The following RAP1GAP2 variants were observed in gnomAD, a reference collection of about 807,000 sequenced individuals.
RAP1GAP2 encodes the protein rap1 GTPase-activating protein 2.
A neutral mutation model predicts 95.0 loss-of-function variants in RAP1GAP2; 27 were observed. That is an observed-to-expected ratio of 0.28 (90% CI 0.21 to 0.39). The LOEUF is 0.39. RAP1GAP2 is among the 10% of genes least tolerant of loss of function. The pLI is 1.00. For missense variants in RAP1GAP2, 771 were observed against 970.0 expected, an observed-to-expected ratio of 0.79 and a Z score of 2.72; for synonymous variants, 373 against 380.9, an observed-to-expected ratio of 0.98 and a Z score of 0.24.
At chr17:2,795,922 C>T (rs1327581170), upstream of RAP1GAP2, among the ~76,000 whole-genome samples, 2 of 152,048 alleles carry the variant, frequency 1.3e-5, no homozygotes, top group African/African-American at 4.8e-5. Context: ...TGTGTGTGTC[C>T]ATGTGTGCAT....
chr17:2,810,548 T>TTTTTTTTTTC (rs1305469092), intron 2 of RAP1GAP2, among the ~76,000 whole-genome samples: 1 of 145,142 alleles, frequency 6.9e-6, no homozygotes. Context: ...TTTTTTTTTT[T>TTTTTTTTTTC]GAGACGGAGT....
rs888914438 is a variant in RAP1GAP2, at chr17:2,963,035, C to T, written c.246+321C>T. The T allele has an allele frequency of 1.0e-4, 54 of 520,758 alleles. No homozygotes were observed. In the Admixed American group the frequency reaches 1.8e-3, roughly 17 times the overall value. 32.3% of individuals were successfully genotyped at this position (520,758 alleles called of 1,614,324 possible). A position where few individuals can be genotyped will look rare whatever the true frequency, so the allele number is the denominator to read the frequency against. On this transcript the variant is annotated intron_variant, in intron 5 of 24. Transcript: ENST00000254695. The surrounding 1 kb of genome is among the most constrained non-coding windows in gnomAD (Gnocchi z 4.8). The stretch of plus-strand genomic sequence containing the variant: ...GTGTCAGGCTCTGTGCCCCGGGTTC[C>T]AGTGGGCAGTCAGCTCTCAGCTTCC...
intron 1 of RAP1GAP2, among the ~76,000 whole-genome samples, chr17:2,765,540 G>C (rs1472661126): frequency 6.6e-6 from 1 of 152,044 alleles, no homozygotes; most frequent in Non-Finnish European, 1.5e-5. Flanking sequence ...AGGAGATCGA[G>C]ACCATCCTGG....
rs1451519999 is a variant in RAP1GAP2, at chr17:3,036,028, A to C, written c.*2667A>C. 1 of 152,248 alleles carries C rather than the reference A, an allele frequency of 6.6e-6. No homozygotes were observed. The highest frequency in any genetic ancestry group is 1.9e-4 in the East Asian group (1 of 5,186). The allele number at this position is 152,248 out of a possible 1,614,324, so 9.4% of individuals were successfully genotyped here. On this transcript the variant is annotated 3_prime_UTR_variant, in exon 25 of 25. Coordinates refer to ENST00000254695, the MANE Select transcript of RAP1GAP2 (RefSeq NM_015085.5). ...CTGGGAACTGCCTGACTCACTGAAG[A>C]AACTACTTTTCAGGCACTGTAGGGT...
At position 3,008,188 on chromosome 17, in the gene RAP1GAP2, T is replaced by C. The variant is rs1280425373; in HGVS notation, c.1494+43T>C. ...ACTGATGGTTGCTGTGGGGTTGGGA[T>C]TGGGGAAGAAAGGAAGTGGTCCAAG... On this transcript the variant is annotated intron_variant, in intron 17 of 24. Transcript: ENST00000254695. The surrounding 1 kb of genome is among the most constrained non-coding windows in gnomAD (Gnocchi z 4.2). 5 of 1,610,866 alleles carry C rather than the reference T, an allele frequency of 3.1e-6. No individual in the cohort carries two copies. The highest frequency in any genetic ancestry group is 4.2e-6 in the Non-Finnish European group (5 of 1,177,942).
rs1343833109 is a variant in RAP1GAP2, at chr17:2,867,347, G to A, written c.81-37937G>A. On this transcript the variant is annotated intron_variant, in intron 2 of 24. Transcript: ENST00000254695. The surrounding 1 kb of genome is among the most constrained non-coding windows in gnomAD (Gnocchi z 4.5). ...GGACGGATTCAGGCCTGGCTGGATC[G>A]AGAGCTCCAGTGGGGTCTTTGGACA... is the stretch of plus-strand genomic sequence containing the variant. 1.3e-5 allele frequency among the ~76,000 whole-genome samples: 2 copies of A among 152,188 alleles called. No homozygotes were observed. The highest frequency in any genetic ancestry group is 1.9e-4 in the East Asian group (1 of 5,198).
rs1278823284 is a variant in RAP1GAP2 at position 3,033,393 on chromosome 17, G to A, written c.*32G>A. 1 of 153,020 alleles carries A rather than the reference G, an allele frequency of 6.5e-6. No homozygotes were observed. The highest frequency in any genetic ancestry group is 1.9e-4 in the East Asian group (1 of 5,164). 9.5% of individuals were successfully genotyped at this position (153,020 alleles called of 1,614,324 possible). A position where few individuals can be genotyped will look rare whatever the true frequency, so the allele number is the denominator to read the frequency against. ...GCCGCCTCCTCCTTGTCTCCTCAGG[G>A]AATCCCCTCTTCTGTCCTGGAAAAG... On this transcript the variant is annotated splice_region_variant and 3_prime_UTR_variant, in exon 25 of 25. Transcript: ENST00000254695. This position sits in a 1 kb window ranked among gnomAD's most constrained non-coding sequence, Gnocchi z 4.9.
At chr17:2,780,403 C>A (rs572449239) in intron 1 of RAP1GAP2, among the ~76,000 whole-genome samples, 1 of 152,232 alleles carries the variant, frequency 6.6e-6, no homozygotes, top group Admixed American at 6.5e-5. Flanking sequence ...CCCAGGCCAC[C>A]GCCCCGTTTG....
At chr17:2,878,854 C>T (rs749055414) in intron 2 of RAP1GAP2, among the ~76,000 whole-genome samples, 5 of 152,244 alleles carry the variant, frequency 3.3e-5, no homozygotes, top group African/African-American at 4.8e-5. Flanking sequence ...CGTGAGCACG[C>T]GCAAGGTGCT....
In RAP1GAP2 at chr17:3,027,407, C is replaced by A. The variant is rs1298860430; in HGVS notation, c.2107+337C>A. Among the ~76,000 whole-genome samples, 1 of 152,144 alleles carries A rather than the reference C, an allele frequency of 6.6e-6. No individual in the cohort carries two copies. The highest frequency in any genetic ancestry group is 1.5e-5 in the Non-Finnish European group (1 of 68,024). ...GCCAGTGCTCCAACCCTTCTCCCCA[C>A]CTGCCAGCGCTCCAGGGCTGCCAGG... On this transcript the variant is annotated intron_variant, in intron 22 of 24. Transcript: ENST00000254695. The surrounding 1 kb of genome is among the most constrained non-coding windows in gnomAD (Gnocchi z 5.2).
intron 2 of RAP1GAP2, among the ~76,000 whole-genome samples, chr17:2,806,045 T>G (rs566700886): frequency 1.1e-4 from 17 of 152,294 alleles, no homozygotes; most frequent in Non-Finnish European, 2.4e-4. Flanking sequence ...TGATGGGACC[T>G]GGGTGCAGCT....
chr17:2,902,718 T>C lies in RAP1GAP2; in HGVS notation c.81-2566T>C, dbSNP rs2042065047. 6.6e-6 allele frequency among the ~76,000 whole-genome samples: 1 copy of C among 152,062 alleles called. No homozygotes were observed. Among genetic ancestry groups the C allele is most frequent in the Admixed American group, 6.6e-5 (1 of 15,246 alleles). ...GCTGCCATGTGCTCCGACTTGAGAG[T>C]CTGCCTCGCTTCCTAGAGACCGGCC... On this transcript the variant is annotated intron_variant, in intron 2 of 24. Transcript: ENST00000254695. This position sits in a 1 kb window ranked among gnomAD's most constrained non-coding sequence, Gnocchi z 4.1.
intron 2 of RAP1GAP2, among the ~76,000 whole-genome samples, chr17:2,821,723 C>A (rs1025822342): frequency 6.6e-6 from 1 of 152,168 alleles, no homozygotes; most frequent in African/African-American, 2.4e-5. Context: ...AAAAATGCAG[C>A]TCCTCGGTTG....
intron 2 of RAP1GAP2, among the ~76,000 whole-genome samples, chr17:2,885,199 AT>A (rs2073448760): frequency 4.0e-5 from 6 of 151,556 alleles, no homozygotes; most frequent in Admixed American, 3.3e-4. Context: ...CGCCTGACTA[AT>A]TTTTTGTATT....
At chr17:2,966,936 G>A (rs528735524) in intron 8 of RAP1GAP2, among the ~76,000 whole-genome samples, 7 of 152,244 alleles carry the variant, frequency 4.6e-5, no homozygotes, top group African/African-American at 1.7e-4. Context: ...TGCTGCTTCG[G>A]GGCTGAAAGC....
At chr17:2,791,588 C>T (rs1220119698), upstream of RAP1GAP2, among the ~76,000 whole-genome samples, 5 of 152,214 alleles carry the variant, frequency 3.3e-5, no homozygotes, top group East Asian at 3.9e-4. Context: ...TCCTTCACTT[C>T]CCTGAGCCTC....
At chr17:2,956,161 T>A (rs922543513) in intron 3 of RAP1GAP2, among the ~76,000 whole-genome samples, 14 of 152,238 alleles carry the variant, frequency 9.2e-5, no homozygotes, top group African/African-American at 3.4e-4. Flanking sequence ...GGGTGGTGCA[T>A]GTGCACCTGA....
intron 3 of RAP1GAP2, among the ~76,000 whole-genome samples, chr17:2,909,522 C>T (rs1410344188): frequency 6.6e-6 from 1 of 152,166 alleles, no homozygotes; most frequent in Non-Finnish European, 1.5e-5. Flanking sequence ...ATCTGGACCA[C>T]AGCAGGGATT....
intron 3 of RAP1GAP2, among the ~76,000 whole-genome samples, chr17:2,956,319 C>T (rs139204738): frequency 5.6e-4 from 85 of 152,322 alleles, no homozygotes; most frequent in African/African-American, 1.9e-3. Context: ...TAGGTCGGAG[C>T]TTTTTGCCTC....
Sources: gnomAD v4.1 joint callset for allele counts (sites outside exome capture counted in the v4.1 genomes callset) on GRCh38, gnomAD v4.1.1 for gene constraint, Gnocchi (gnomAD v3.1) non-coding constraint, MANE v1.5 for transcripts, NCBI Gene and HGNC (gene_info 2026-07-23, HGNC 2026-07-21) for gene names.